The following ERGIC1 variants were observed in gnomAD, a reference collection of about 807,000 sequenced individuals.
ERGIC1 encodes endoplasmic reticulum-Golgi intermediate compartment protein 1.
In ERGIC1, 19 loss-of-function variants were observed where a neutral mutation model predicts 38.3. The ratio of observed to expected loss-of-function variants is 0.50; its 90% CI spans 0.35 to 0.73. ERGIC1 has a LOEUF of 0.73. ERGIC1 is among the 30% of genes least tolerant of loss of function. The pLI, the probability that ERGIC1 is intolerant of heterozygous loss-of-function variation, is 0.01. For missense variants in ERGIC1, 294 were observed against 389.2 expected (o/e 0.76, Z 2.06); for synonymous variants, 124 against 157.6 (o/e 0.79, Z 1.60).
At chr5:172,920,192 G>A (rs976641439) in intron 5 of ERGIC1, among the ~76,000 whole-genome samples, 2 of 152,068 alleles carry the variant, frequency 1.3e-5, no homozygotes, top group East Asian at 1.9e-4. Flanking sequence ...AGTAGAGACC[G>A]TCCCCCACCC....
intron 4 of ERGIC1, among the ~76,000 whole-genome samples, chr5:172,913,235 C>T (rs1763255217): frequency 6.6e-6 from 1 of 152,240 alleles, no homozygotes; most frequent in Admixed American, 6.5e-5. Context: ...ACCTGCCGCA[C>T]GGCACTGGGA....
At chr5:172,870,877 C>G (rs1166748947) in intron 1 of ERGIC1, among the ~76,000 whole-genome samples, 2 of 152,200 alleles carry the variant, frequency 1.3e-5, no homozygotes, top group African/African-American at 4.8e-5. Context: ...GCTCTTGGCT[C>G]AGGAAAGACT....
chr5:172,871,452 C>T (rs1762005114), intron 1 of ERGIC1, among the ~76,000 whole-genome samples: 2 of 152,240 alleles, frequency 1.3e-5, no homozygotes, highest in African/African-American at 4.8e-5. Flanking sequence ...TGAGCCCCAT[C>T]CGAAGGGCCC....
rs1305545878 is a variant in ERGIC1 at position 172,935,193 on chromosome 5, C to T, written c.648C>T (p.Tyr216=). 15 of 1,614,104 alleles carry T rather than the reference C, an allele frequency of 9.3e-6. No individual in the cohort carries two copies. In the East Asian group the frequency reaches 1.6e-4, roughly 17 times the overall value. The change falls in exon 9 of 10, where the codon TAC becomes TAT. Residue 216 remains tyrosine, a synonymous_variant. Transcript: ENST00000393784. ...SYQYTVANKE[Y]VAYSHTGRII... ...TCTTATATCCTCTACCCCAGGAATA[C>T]GTCGCCTACAGCCACACGGGCCGCA...
intron 3 of ERGIC1, chr5:172,906,179 A>G: frequency 2.2e-6 from 1 of 456,168 alleles, no homozygotes; most frequent in South Asian, 1.5e-5. Flanking sequence ...GGTCAAGCGC[A>G]GGTCCGTGTC....
At chr5:172,885,846 C>T (rs1302070755) in intron 1 of ERGIC1, among the ~76,000 whole-genome samples, 1 of 152,200 alleles carries the variant, frequency 6.6e-6, no homozygotes, top group Non-Finnish European at 1.5e-5. Flanking sequence ...ACCGCCTAGG[C>T]CCCAGGCCTC....
rs150095076 is a variant in ERGIC1 at position 172,864,773 on chromosome 5, T to C, written c.21-23926T>C. 2.8e-3 allele frequency among the ~76,000 whole-genome samples: 419 copies of C among 151,988 alleles called. 3 individuals carry two copies. The highest frequency in any genetic ancestry group is 9.4e-3 in the African/African-American group (390 of 41,414). ...CCCCTTTTTTTTTGAGCACCTATTA[T>C]ATGCTGGGCACAGTGCTGAACACTG... On this transcript the variant is annotated intron_variant, in intron 1 of 9. Coordinates refer to ENST00000393784, the MANE Select transcript of ERGIC1 (RefSeq NM_001031711.3).
intron 9 of ERGIC1, among the ~76,000 whole-genome samples, chr5:172,948,712 T>C (rs1366656279): frequency 6.6e-6 from 1 of 152,136 alleles, no homozygotes; most frequent in Non-Finnish European, 1.5e-5. Flanking sequence ...TTGGTTCTTA[T>C]AAATGACATA....
At chr5:172,862,307 C>CAAAAAAAAAAAAAA (rs58968820) in intron 1 of ERGIC1, among the ~76,000 whole-genome samples, 5 of 49,490 alleles carry the variant, frequency 1.0e-4, no homozygotes, top group East Asian at 8.2e-4. Context: ...GACTACATCT[C>CAAAAAAAAAAAAAA]AAAAAAAAAA....
At chr5:172,908,495 G>C (rs886807604) in intron 3 of ERGIC1, among the ~76,000 whole-genome samples, 11 of 151,724 alleles carry the variant, frequency 7.3e-5, no homozygotes, top group Admixed American at 2.6e-4. Flanking sequence ...ATAATTGCTT[G>C]GACCTGGGAG....
intron 2 of ERGIC1, among the ~76,000 whole-genome samples, chr5:172,891,925 C>T (rs1229676587): frequency 1.3e-5 from 2 of 152,224 alleles, no homozygotes; most frequent in Non-Finnish European, 2.9e-5. Flanking sequence ...ACCTACGGGG[C>T]CTGTGGCCAG....
chr5:172,930,491 T>C (rs1243721573), intron 7 of ERGIC1, among the ~76,000 whole-genome samples: 1 of 151,982 alleles, frequency 6.6e-6, no homozygotes, highest in African/African-American at 2.4e-5. Context: ...TACAGGTGTG[T>C]GCCACCAGGC....
At chr5:172,927,822 CT>C (rs1193954898) in intron 7 of ERGIC1, among the ~76,000 whole-genome samples, 3 of 152,148 alleles carry the variant, frequency 2.0e-5, no homozygotes, top group African/African-American at 4.8e-5. Context: ...CTCAGGTGAT[CT>C]GTCCCCACTC....
intron 2 of ERGIC1, among the ~76,000 whole-genome samples, chr5:172,893,742 G>A (rs188931626): frequency 4.7e-4 from 71 of 150,904 alleles, no homozygotes; most frequent in African/African-American, 1.5e-3. Flanking sequence ...TCTCTCTGCC[G>A]TTCGAAAATG....
At chr5:172,843,225 C>T (rs987810097) in intron 1 of ERGIC1, among the ~76,000 whole-genome samples, 1 of 152,068 alleles carries the variant, frequency 6.6e-6, no homozygotes, top group Non-Finnish European at 1.5e-5. Context: ...GATATTAGCC[C>T]CTTATCAGGT....
chr5:172,897,428 C>CA (rs71310033), intron 3 of ERGIC1, among the ~76,000 whole-genome samples: 6,949 of 109,900 alleles, frequency 0.063, 224 homozygotes, highest in South Asian at 0.13. Flanking sequence ...GACCCTGTTT[C>CA]AAAAAAAAAA....
intron 1 of ERGIC1, among the ~76,000 whole-genome samples, chr5:172,853,061 C>CT (rs1482873239): frequency 2.0e-5 from 3 of 151,998 alleles, no homozygotes; most frequent in African/African-American, 7.2e-5. Context: ...CAAGAAGCGC[C>CT]TGTGTGTATG....
At chr5:172,886,006 T>C (rs914434688) in intron 1 of ERGIC1, among the ~76,000 whole-genome samples, 7 of 152,136 alleles carry the variant, frequency 4.6e-5, no homozygotes, top group Non-Finnish European at 8.8e-5. Flanking sequence ...ACCTGGCAGG[T>C]GTCAGCTGGG....
chr5:172,950,721 A>G lies in ERGIC1; in HGVS notation c.778A>G (p.Ile260Val). The change falls in exon 10 of 10, where the codon ATT (isoleucine) becomes GTT (valine). Residue 260 changes from isoleucine to valine, a missense_variant. This residue lies in a region of ERGIC1 where 22 missense variants were observed against 50.7 expected (regional missense o/e 0.43). Transcript: ENST00000393784. ...YRFITTICAI[I>V]GGTFTVAGIL... Reference sequence around the variant, plus strand: ...TGCCCTCTTGCAGATCTGTGCCATCATTGGCGGGACCTTCACCGTCGCCGG... The same window carrying G: ...TGCCCTCTTGCAGATCTGTGCCATCGTTGGCGGGACCTTCACCGTCGCCGG... The G allele has an allele frequency of 6.2e-7, 1 of 1,612,494 alleles. No homozygotes were observed. Among genetic ancestry groups the G allele is most frequent in the South Asian group, 1.1e-5 (1 of 90,888 alleles).
Sources: allele counts gnomAD v4.1 joint callset (sites outside exome capture counted in the v4.1 genomes callset), GRCh38; gene constraint gnomAD v4.1.1; regional missense constraint gnomAD v4.1.1; transcripts MANE v1.5; gene names NCBI Gene and HGNC (gene_info 2026-07-23, HGNC 2026-07-21).